PLPPR1: variants seen among roughly 807,000 people sequenced by gnomAD.
PLPPR1 encodes the protein phospholipid phosphatase-related protein type 1.
A neutral mutation model predicts 33.1 loss-of-function variants in PLPPR1; 10 were observed. That is an observed-to-expected ratio of 0.30 (90% CI 0.19 to 0.51). The LOEUF is 0.51. Among genes scored for constraint, PLPPR1 ranks in the 20% least tolerant of loss-of-function variants. The pLI, the probability that PLPPR1 is intolerant of heterozygous loss-of-function variation, is 0.97. For missense variants in PLPPR1, 304 were observed against 408.1 expected (o/e 0.74, Z 2.20); for synonymous variants, 151 against 151.0 (o/e 1.00, Z 0.00).
intron 4 of PLPPR1, among the ~76,000 whole-genome samples, chr9:101,294,392 A>G (rs1250383470): frequency 2.6e-5 from 4 of 151,996 alleles, no homozygotes; most frequent in South Asian, 2.1e-4. Flanking sequence ...AACTGGTATC[A>G]TTCCTTCTGA....
chr9:101,268,526 G>A (rs114553982), intron 2 of PLPPR1, among the ~76,000 whole-genome samples: 313 of 152,234 alleles, frequency 2.1e-3, no homozygotes, highest in African/African-American at 7.2e-3. Context: ...CTACCTTTTC[G>A]TATAAGATGC....
intron 1 of PLPPR1, among the ~76,000 whole-genome samples, chr9:101,075,753 T>C (rs571584696): frequency 1.5e-3 from 235 of 152,294 alleles, no homozygotes; most frequent in African/African-American, 5.5e-3. Flanking sequence ...ATATAAGCAA[T>C]TAATGATAGC....
intron 4 of PLPPR1, among the ~76,000 whole-genome samples, chr9:101,288,037 G>T (rs1426887637): frequency 2.0e-5 from 3 of 152,092 alleles, no homozygotes; most frequent in Non-Finnish European, 4.4e-5. Context: ...TATTTCCCTT[G>T]GCAAAGATAA....
At chr9:101,051,537 G>C (rs1453873820) in intron 1 of PLPPR1, among the ~76,000 whole-genome samples, 3 of 152,072 alleles carry the variant, frequency 2.0e-5, no homozygotes, top group African/African-American at 7.2e-5. Context: ...AGACCTTCTT[G>C]TCTGGTGTGC....
At chr9:101,044,832 G>A (rs368069373) in intron 1 of PLPPR1, among the ~76,000 whole-genome samples, 4 of 152,140 alleles carry the variant, frequency 2.6e-5, no homozygotes, top group Admixed American at 6.5e-5. Context: ...TTGAGTACAC[G>A]TGTGGCATTC....
At chr9:101,034,826 G>T (rs1028345501) in intron 1 of PLPPR1, among the ~76,000 whole-genome samples, 2 of 151,500 alleles carry the variant, frequency 1.3e-5, no homozygotes, top group Admixed American at 6.6e-5. Flanking sequence ...GGGGCGGGGG[G>T]GTTGGTTATA....
chr9:101,037,743 T>C (rs1334425851), intron 1 of PLPPR1, among the ~76,000 whole-genome samples: 1 of 151,888 alleles, frequency 6.6e-6, no homozygotes, highest in African/African-American at 2.4e-5. Context: ...TAGAAAGACC[T>C]TTTCATTCAC....
chr9:101,067,279 A>G (rs1329673207), intron 1 of PLPPR1, among the ~76,000 whole-genome samples: 1 of 151,914 alleles, frequency 6.6e-6, no homozygotes, highest in East Asian at 1.9e-4. Flanking sequence ...GTGAGCAAAT[A>G]ACATTACTTC....
chr9:101,322,112 C>T (rs1319784219), intron 7 of PLPPR1, among the ~76,000 whole-genome samples: 2 of 139,168 alleles, frequency 1.4e-5, no homozygotes, highest in African/African-American at 2.7e-5. Context: ...GCAACACAAT[C>T]GCTTGAACCC....
chr9:101,277,575 C>G (rs1828220143), intron 3 of PLPPR1, among the ~76,000 whole-genome samples: 1 of 152,132 alleles, frequency 6.6e-6, no homozygotes, highest in Admixed American at 6.5e-5. Context: ...CTTAACGAGC[C>G]CTCTCTTTTT....
At chr9:101,255,549 A>C (rs1827785315) in intron 2 of PLPPR1, among the ~76,000 whole-genome samples, 1 of 146,590 alleles carries the variant, frequency 6.8e-6, no homozygotes, top group Non-Finnish European at 1.5e-5. Context: ...TTTATTGAAG[A>C]GTTAGTTTAC....
chr9:101,316,616 C>CAAAAAAAAAAAAAAAAA lies in PLPPR1; in HGVS notation c.814-737_814-736insAAAAAAAAAAAAAAAAA, dbSNP rs553324474. On this transcript the variant is annotated intron_variant, in intron 6 of 7. Coordinates refer to ENST00000374874, the MANE Select transcript of PLPPR1 (RefSeq NM_207299.2). ...AGGGAAAAGGAGGGTTCTTCTTGGG[C>CAAAAAAAAAAAAAAAAA]AAAAAAAAAAAAGCAGGGAAGATGG... Among the ~76,000 whole-genome samples the CAAAAAAAAAAAAAAAAA allele has an allele frequency of 2.7e-4, 22 of 82,506 alleles. 1 individual carries two copies. The highest frequency in any genetic ancestry group is 6.4e-4 in the African/African-American group (11 of 17,214). The allele number at this position is 82,506 out of a possible 152,430, so 54.1% of individuals were successfully genotyped here.
chr9:101,173,853 A>C (rs1030364188), intron 1 of PLPPR1, among the ~76,000 whole-genome samples: 3 of 152,144 alleles, frequency 2.0e-5, no homozygotes. Flanking sequence ...CATTTTGAGG[A>C]TAGAAGCCGG....
At chr9:101,214,168 G>T (rs1040147653) in intron 2 of PLPPR1, among the ~76,000 whole-genome samples, 1 of 152,170 alleles carries the variant, frequency 6.6e-6, no homozygotes, top group Non-Finnish European at 1.5e-5. Context: ...CTGAGGATTA[G>T]GTCAGAAATA....
intron 1 of PLPPR1, among the ~76,000 whole-genome samples, chr9:101,181,620 G>A (rs1588061058): frequency 7.4e-6 from 1 of 134,746 alleles, no homozygotes; most frequent in Non-Finnish European, 1.7e-5. Flanking sequence ...GTGTGTGTGT[G>A]TGTGTGTGTG....
intron 2 of PLPPR1, among the ~76,000 whole-genome samples, chr9:101,267,649 G>A (rs1284031366): frequency 1.1e-4 from 16 of 152,196 alleles, no homozygotes; most frequent in Non-Finnish European, 1.5e-5. Context: ...GGAATAAAAG[G>A]AAAGGTAGCA....
chr9:101,098,272 C>A (rs556397406), intron 1 of PLPPR1, among the ~76,000 whole-genome samples: 1 of 151,968 alleles, frequency 6.6e-6, no homozygotes, highest in Non-Finnish European at 1.5e-5. Flanking sequence ...CAATAGCACT[C>A]GTGGACTTGT....
At chr9:101,285,326 C>A (rs10116399) in intron 3 of PLPPR1, among the ~76,000 whole-genome samples, 16,996 of 151,770 alleles carry the variant, frequency 0.11, 1,276 homozygotes, top group African/African-American at 0.21. Context: ...TCTAATCTAC[C>A]TAAGGGCATT....
Position 101,249,920 on chromosome 9 carries a change from G to A in PLPPR1, c.64-19960G>A, listed in dbSNP as rs76039909. On this transcript the variant is annotated intron_variant, in intron 2 of 7. Coordinates refer to ENST00000374874, the MANE Select transcript of PLPPR1 (RefSeq NM_207299.2). ...TATTTGAGGGCTTATGTTTTCTGGA[G>A]ATGATTGCTTTCCTTTCTCTACATT... Among the ~76,000 whole-genome samples the A allele has an allele frequency of 6.2e-3, 946 of 152,158 alleles. 8 individuals carry two copies. The highest frequency in any genetic ancestry group is 0.022 in the African/African-American group (898 of 41,524).
Sources: allele counts gnomAD v4.1 joint callset (sites outside exome capture counted in the v4.1 genomes callset), GRCh38; gene constraint gnomAD v4.1.1; transcripts MANE v1.5; gene names NCBI Gene and HGNC (gene_info 2026-07-23, HGNC 2026-07-21).